Variants in PRRX1 observed in about 807,000 individuals in gnomAD.
The protein encoded by PRRX1 is paired mesoderm homeobox protein 1.
In PRRX1, 8 loss-of-function variants were observed where a neutral mutation model predicts 24.0. That is an observed-to-expected ratio of 0.33 (90% CI 0.20 to 0.60). PRRX1 has a LOEUF of 0.60. PRRX1 is among the 20% of genes least tolerant of loss of function. The probability of loss-of-function intolerance (pLI) is 0.82; values close to 1 mark genes in which losing one functional copy is unlikely to be tolerated. For synonymous variants in PRRX1, 160 were observed against 131.7 expected, an observed-to-expected ratio of 1.22 and a Z score of -1.47; for missense variants, 281 against 322.4, an observed-to-expected ratio of 0.87 and a Z score of 0.98.
intron 1 of PRRX1, among the ~76,000 whole-genome samples, chr1:170,675,689 T>C (rs368270998): frequency 7.2e-5 from 11 of 152,090 alleles, no homozygotes; most frequent in African/African-American, 2.7e-4. Flanking sequence ...ATGTGATAAT[T>C]TCAGGGAAAC....
chr1:170,665,899 C>T (rs76208374), intron 1 of PRRX1, among the ~76,000 whole-genome samples: 280 of 152,330 alleles, frequency 1.8e-3, no homozygotes, highest in African/African-American at 6.3e-3. Flanking sequence ...GCCTGGACAC[C>T]AGAGAAAGGT....
chr1:170,680,378 A>T (rs1243756098), intron 1 of PRRX1, among the ~76,000 whole-genome samples: 1 of 152,182 alleles, frequency 6.6e-6, no homozygotes. Context: ...CAGAAAACAG[A>T]GGTGAAAGGG....
Position 170,702,953 on chromosome 1 carries a change from C to A in PRRX1, c.242-16773C>A, listed in dbSNP as rs76199907. On this transcript the variant is annotated intron_variant, in intron 1 of 3. Transcript: ENST00000239461. ...CCACTATTCTGAGAGGGATTTATAA[C>A]CATTTGATCAAGAGAAGAACAGAAA... is the stretch of plus-strand genomic sequence containing the variant. 5.0e-3 allele frequency among the ~76,000 whole-genome samples: 757 copies of A among 152,260 alleles called. 10 individuals carry two copies. The highest frequency in any genetic ancestry group is 0.016 in the African/African-American group (678 of 41,554).
At chr1:170,732,862 C>A (rs1379708280) in intron 3 of PRRX1, among the ~76,000 whole-genome samples, 1 of 152,116 alleles carries the variant, frequency 6.6e-6, no homozygotes, top group South Asian at 2.1e-4. Flanking sequence ...ACTTGTTAAT[C>A]CACTAATTTG....
intron 3 of PRRX1, among the ~76,000 whole-genome samples, chr1:170,734,430 C>T: frequency 6.6e-6 from 1 of 151,954 alleles, no homozygotes; most frequent in East Asian, 1.9e-4. Context: ...ATCTATGGAG[C>T]TTATAGTTGA....
chr1:170,681,365 T>C (rs1571318813), intron 1 of PRRX1, among the ~76,000 whole-genome samples: 3 of 152,102 alleles, frequency 2.0e-5, no homozygotes, highest in Admixed American at 2.0e-4. Flanking sequence ...TGGAAGGAAG[T>C]GGTTGAGTTC....
At chr1:170,665,096 A>G (rs1652871696) in intron 1 of PRRX1, among the ~76,000 whole-genome samples, 1 of 152,206 alleles carries the variant, frequency 6.6e-6, no homozygotes, top group Non-Finnish European at 1.5e-5. Context: ...TGAGACTGGC[A>G]GAGTCAAAAG....
chr1:170,732,094 T>C (rs1655454847), intron 3 of PRRX1, among the ~76,000 whole-genome samples: 1 of 152,184 alleles, frequency 6.6e-6, no homozygotes, highest in South Asian at 2.1e-4. Context: ...CTTCTGGTTG[T>C]TGTCATGTGC....
intron 1 of PRRX1, among the ~76,000 whole-genome samples, chr1:170,679,245 G>A (rs980284553): frequency 3.4e-4 from 51 of 152,188 alleles, no homozygotes; most frequent in African/African-American, 1.2e-3. Flanking sequence ...CTGAATAAAC[G>A]AATATGTGAA....
chr1:170,663,046 C>T (rs1013701965), upstream of PRRX1: 31 of 151,982 alleles, frequency 2.0e-4, no homozygotes, highest in African/African-American at 7.2e-4. Flanking sequence ...CTCTCTTTCT[C>T]TCTCTCTCTC....
chr1:170,704,750 T>C (rs1298701802), intron 1 of PRRX1, among the ~76,000 whole-genome samples: 2 of 152,192 alleles, frequency 1.3e-5, no homozygotes, highest in East Asian at 1.9e-4. Flanking sequence ...TGGTGTGTAA[T>C]AGACTATACC....
At chr1:170,681,024 CT>C (rs1304332284) in intron 1 of PRRX1, among the ~76,000 whole-genome samples, 1 of 152,132 alleles carries the variant, frequency 6.6e-6, no homozygotes, top group Non-Finnish European at 1.5e-5. Flanking sequence ...TGTGTTTAAC[CT>C]TGAGACTCAG....
At chr1:170,722,379 T>C (rs566866255) in intron 2 of PRRX1, among the ~76,000 whole-genome samples, 2 of 152,314 alleles carry the variant, frequency 1.3e-5, no homozygotes, top group South Asian at 4.1e-4. Flanking sequence ...TCTTTTCCTC[T>C]TTTTTTCCTC....
At chr1:170,691,885 C>T (rs1171314478) in intron 1 of PRRX1, among the ~76,000 whole-genome samples, 1 of 152,044 alleles carries the variant, frequency 6.6e-6, no homozygotes, top group Non-Finnish European at 1.5e-5. Flanking sequence ...ACTATGGGGC[C>T]TTCTGTTAGG....
At chr1:170,702,202 C>G (rs899236853) in intron 1 of PRRX1, among the ~76,000 whole-genome samples, 2 of 152,354 alleles carry the variant, frequency 1.3e-5, no homozygotes, top group African/African-American at 4.8e-5. Context: ...GTAATGCTCA[C>G]TCACCTGCCT....
chr1:170,701,608 T>C (rs1184154541), intron 1 of PRRX1, among the ~76,000 whole-genome samples: 1 of 152,176 alleles, frequency 6.6e-6, no homozygotes, highest in Non-Finnish European at 1.5e-5. Context: ...GTAGAAGAAT[T>C]TTTTTAAGGA....
intron 3 of PRRX1, chr1:170,728,556 T>C (rs1191973998): frequency 6.6e-6 from 1 of 152,232 alleles, no homozygotes; most frequent in Non-Finnish European, 1.5e-5. Context: ...TTTCTTGGTA[T>C]GCTTTTATAT....
At chr1:170,709,386 A>G (rs1654672135) in intron 1 of PRRX1, among the ~76,000 whole-genome samples, 1 of 152,220 alleles carries the variant, frequency 6.6e-6, no homozygotes, top group Admixed American at 6.5e-5. Flanking sequence ...TTATGTTTTT[A>G]TCACCATTAG....
chr1:170,733,613 C>T (rs947449699), intron 3 of PRRX1, among the ~76,000 whole-genome samples: 2 of 152,134 alleles, frequency 1.3e-5, no homozygotes, highest in African/African-American at 2.4e-5. Context: ...TCCAGCTTCT[C>T]TTCTATGTGT....
Sources: gnomAD v4.1 joint callset for allele counts (sites outside exome capture counted in the v4.1 genomes callset) on GRCh38, gnomAD v4.1.1 for gene constraint, MANE v1.5 for transcripts, NCBI Gene and HGNC (gene_info 2026-07-23, HGNC 2026-07-21) for gene names.